GABBR2: variants seen among roughly 807,000 people sequenced by gnomAD.
The protein encoded by GABBR2 is gamma-aminobutyric acid type B receptor subunit 2, also known as G-protein coupled receptor 51.
A neutral mutation model predicts 105.6 loss-of-function variants in GABBR2; 23 were observed. The observed-to-expected ratio is 0.22, with a 90% confidence interval of 0.16 to 0.31. The LOEUF (loss-of-function observed/expected upper bound fraction) is 0.31. Among genes scored for constraint, GABBR2 ranks in the 10% least tolerant of loss-of-function variants. The pLI, the probability that GABBR2 is intolerant of heterozygous loss-of-function variation, is 1.00. For missense variants in GABBR2, 734 were observed against 1,245.5 expected (o/e 0.59, Z 6.18); for synonymous variants, 478 against 499.7 (o/e 0.96, Z 0.58).
intron 1 of GABBR2, among the ~76,000 whole-genome samples, chr9:98,679,806 A>G (rs1830519862): frequency 6.6e-6 from 1 of 152,226 alleles, no homozygotes; most frequent in African/African-American, 2.4e-5. Context: ...CTGAAGACAC[A>G]GGAGCACAGA....
chr9:98,519,710 C>A (rs915114962), intron 3 of GABBR2, among the ~76,000 whole-genome samples: 17 of 142,546 alleles, frequency 1.2e-4, no homozygotes, highest in African/African-American at 4.4e-4. Context: ...GAGCCGGCAA[C>A]TTTTTTTTTT....
intron 6 of GABBR2, among the ~76,000 whole-genome samples, chr9:98,456,332 A>C (rs1170018224): frequency 6.6e-6 from 1 of 152,040 alleles, no homozygotes; most frequent in African/African-American, 2.4e-5. Flanking sequence ...TCAGCATTCA[A>C]ATGTCAGCAC....
chr9:98,544,451 C>CAGAG (rs974848440), intron 2 of GABBR2, among the ~76,000 whole-genome samples: 1 of 152,134 alleles, frequency 6.6e-6, no homozygotes, highest in Non-Finnish European at 1.5e-5. Context: ...TAAGATCCAA[C>CAGAG]AGAGAGACAC....
At chr9:98,679,055 T>C (rs1564149380) in intron 1 of GABBR2, among the ~76,000 whole-genome samples, 1 of 152,142 alleles carries the variant, frequency 6.6e-6, no homozygotes, top group Non-Finnish European at 1.5e-5. Context: ...CTCCAGGACA[T>C]GACAAAGTCT....
intron 3 of GABBR2, among the ~76,000 whole-genome samples, chr9:98,524,297 C>T (rs375326856): frequency 6.6e-6 from 1 of 152,080 alleles, no homozygotes; most frequent in Non-Finnish European, 1.5e-5. Context: ...CAACTCTTGT[C>T]GTAAAACTAG....
At chr9:98,427,828 G>T (rs1825725493) in intron 7 of GABBR2, among the ~76,000 whole-genome samples, 2 of 151,550 alleles carry the variant, frequency 1.3e-5, no homozygotes, top group South Asian at 4.2e-4. Context: ...CTGTGGAGGG[G>T]TCCTGAGGAA....
At chr9:98,583,813 C>T (rs1002941661) in intron 1 of GABBR2, among the ~76,000 whole-genome samples, 3 of 152,164 alleles carry the variant, frequency 2.0e-5, no homozygotes, top group Non-Finnish European at 4.4e-5. Flanking sequence ...CAATGTTATG[C>T]GTATTTCACA....
At chr9:98,386,774 C>G (rs190689518) in intron 10 of GABBR2, among the ~76,000 whole-genome samples, 1 of 152,272 alleles carries the variant, frequency 6.6e-6, no homozygotes, top group Admixed American at 6.5e-5. Context: ...TTCTGTTAAC[C>G]CTTCACATTT....
At chr9:98,334,691 T>C (rs965662277) in intron 13 of GABBR2, among the ~76,000 whole-genome samples, 1 of 152,194 alleles carries the variant, frequency 6.6e-6, no homozygotes, top group African/African-American at 2.4e-5. Context: ...GGACCAGCAA[T>C]GATCGTGTTT....
At chr9:98,535,272 T>C (rs968774423) in intron 3 of GABBR2, among the ~76,000 whole-genome samples, 10 of 152,098 alleles carry the variant, frequency 6.6e-5, no homozygotes, top group African/African-American at 2.2e-4. Flanking sequence ...TAATTTTTTT[T>C]GTATTTTTAG....
At chr9:98,563,201 A>C (rs1417682956) in intron 2 of GABBR2, among the ~76,000 whole-genome samples, 1 of 152,144 alleles carries the variant, frequency 6.6e-6, no homozygotes, top group Non-Finnish European at 1.5e-5. Context: ...TGCTACTTAC[A>C]TTAAAGAGAA....
chr9:98,677,434 G>A (rs1830490559), intron 1 of GABBR2, among the ~76,000 whole-genome samples: 2 of 152,210 alleles, frequency 1.3e-5, no homozygotes. Context: ...CAGTTTTGCT[G>A]ATTTTTCAGA....
chr9:98,680,344 C>A (rs1285268402), intron 1 of GABBR2, among the ~76,000 whole-genome samples: 1 of 152,086 alleles, frequency 6.6e-6, no homozygotes, highest in Non-Finnish European at 1.5e-5. Flanking sequence ...CTCGCTCTGT[C>A]ATCCAGGCTG....
At chr9:98,632,497 G>A (rs1487546785) in intron 1 of GABBR2, among the ~76,000 whole-genome samples, 1 of 152,176 alleles carries the variant, frequency 6.6e-6, no homozygotes, top group African/African-American at 2.4e-5. Flanking sequence ...TGATGGCTCT[G>A]ATCAATATTG....
chr9:98,290,792 G>A (rs1830291627), intron 18 of GABBR2, 43 bp from the exon 19 acceptor site: 2 of 1,395,808 alleles, frequency 1.4e-6, no homozygotes, highest in Admixed American at 3.6e-5. Flanking sequence ...AGGGTAGCTG[G>A]GCGCTTACCA....
At chr9:98,395,113 G>A (rs947120926) in intron 8 of GABBR2, among the ~76,000 whole-genome samples, 5 of 152,184 alleles carry the variant, frequency 3.3e-5, no homozygotes, top group Non-Finnish European at 7.3e-5. Flanking sequence ...ATGAGGACTG[G>A]CCCAGAGTGG....
intron 11 of GABBR2, among the ~76,000 whole-genome samples, chr9:98,383,953 T>C (rs1832026203): frequency 6.6e-6 from 1 of 152,162 alleles, no homozygotes; most frequent in African/African-American, 2.4e-5. Flanking sequence ...GCCCTCATCA[T>C]CCAGCAGTGG....
intron 11 of GABBR2, among the ~76,000 whole-genome samples, chr9:98,381,234 T>A (rs1427058200): frequency 6.6e-6 from 1 of 152,206 alleles, no homozygotes; most frequent in African/African-American, 2.4e-5. Context: ...ATTTTACAGA[T>A]GAGAAAACTG....
chr9:98,566,534 G>A (rs1354703362), intron 2 of GABBR2, among the ~76,000 whole-genome samples: 4 of 152,064 alleles, frequency 2.6e-5, no homozygotes, highest in Non-Finnish European at 4.4e-5. Context: ...AATTAGCCAG[G>A]CACGGTGGCG....
Sources: allele counts gnomAD v4.1 joint callset (sites outside exome capture counted in the v4.1 genomes callset), GRCh38; gene constraint gnomAD v4.1.1; transcripts MANE v1.5; gene names NCBI Gene and HGNC (gene_info 2026-07-23, HGNC 2026-07-21).